Variants in SUMF1 observed in about 807,000 individuals in gnomAD.
SUMF1 encodes the protein sulfatase modifying factor 1, also known as formylglycine-generating enzyme.
SUMF1 carries 48 observed loss-of-function variants against 47.6 expected under a neutral mutation model. That is an observed-to-expected ratio of 1.01 (90% CI 0.80 to 1.28). The LOEUF is 1.28. SUMF1 is among the 50% of genes most tolerant of loss of function. The probability of loss-of-function intolerance (pLI) is 0.00; values close to 1 mark genes in which losing one functional copy is unlikely to be tolerated. For synonymous variants in SUMF1, 230 were observed against 192.1 expected (o/e 1.20, Z -1.63); for missense variants, 571 against 485.4 (o/e 1.18, Z -1.66).
downstream of SUMF1, among the ~76,000 whole-genome samples, chr3:4,360,247 T>C (rs1031304591): frequency 7.2e-6 from 1 of 138,720 alleles, no homozygotes; most frequent in Non-Finnish European, 1.5e-5. Flanking sequence ...CATCAGTAGG[T>C]GGAAGTTTGT....
chr3:4,162,293 G>C (rs756739185), intron 8 of SUMF1, among the ~76,000 whole-genome samples: 3 of 152,170 alleles, frequency 2.0e-5, no homozygotes, highest in Non-Finnish European at 4.4e-5. Context: ...GAGTGGTAAA[G>C]CACTCTCTTG....
chr3:4,117,986 T>C lies in SUMF1; in HGVS notation c.1015-49241A>G, dbSNP rs571429348. Among the ~76,000 whole-genome samples the C allele has an allele frequency of 7.2e-5, 11 of 151,908 alleles. No individual in the cohort carries two copies. In the East Asian group the frequency reaches 1.9e-3, roughly 27 times the overall value. The stretch of plus-strand genomic sequence containing the variant: ...TTTTTTAAACATCCAAAACAAGGCA[T>C]GAATAGGTGTCTTTGAAGCAGGATT... On this transcript the variant is annotated intron_variant and NMD_transcript_variant, in intron 8 of 12. Transcript: ENST00000448413.
chr3:4,179,434 G>T (rs1695043175), intron 8 of SUMF1, among the ~76,000 whole-genome samples: 2 of 152,136 alleles, frequency 1.3e-5, no homozygotes, highest in South Asian at 4.1e-4. Context: ...AAGCAATGGG[G>T]AAAGGATTCC....
intron 9 of SUMF1, among the ~76,000 whole-genome samples, chr3:4,034,613 C>T (rs1295784655): frequency 6.6e-6 from 1 of 151,984 alleles, no homozygotes; most frequent in African/African-American, 2.4e-5. Flanking sequence ...TTTGAGAAAC[C>T]CTTTGTAGAG....
At chr3:4,220,060 T>C (rs184719439) in intron 8 of SUMF1, among the ~76,000 whole-genome samples, 1 of 152,160 alleles carries the variant, frequency 6.6e-6, no homozygotes, top group Admixed American at 6.6e-5. Flanking sequence ...AGAGTAAACA[T>C]GGAAATAGAA....
At chr3:4,123,333 C>A (rs1331327696) in intron 8 of SUMF1, among the ~76,000 whole-genome samples, 2 of 152,092 alleles carry the variant, frequency 1.3e-5, no homozygotes, top group Non-Finnish European at 2.9e-5. Context: ...ATTCCTAACT[C>A]TATACAGAGC....
chr3:4,075,342 C>G lies in SUMF1; in HGVS notation c.1015-6597G>C, dbSNP rs559130939. Among the ~76,000 whole-genome samples, 139 of 152,086 alleles carry G rather than the reference C, an allele frequency of 9.1e-4. 1 individual carries two copies. The highest frequency in any genetic ancestry group is 3.3e-3 in the African/African-American group (137 of 41,436). The stretch of plus-strand genomic sequence containing the variant: ...AACTAGGTATTGATGGAACGTATCT[C>G]AAAATAATAAGTTATTTATGATAAA... On this transcript the variant is annotated intron_variant and NMD_transcript_variant, in intron 8 of 12. Coordinates refer to the SUMF1 transcript ENST00000448413.
At chr3:4,372,135 C>G (rs982990433) in intron 8 of SUMF1, among the ~76,000 whole-genome samples, 4 of 152,080 alleles carry the variant, frequency 2.6e-5, no homozygotes, top group African/African-American at 4.8e-5. Context: ...TGGTGAAACC[C>G]CATCTCTACA....
chr3:4,185,607 T>C (rs1695185610), intron 8 of SUMF1, among the ~76,000 whole-genome samples: 1 of 152,130 alleles, frequency 6.6e-6, no homozygotes, highest in South Asian at 2.1e-4. Context: ...CTGTAGCAGT[T>C]GAAAGTTAAT....
chr3:4,341,110 T>C (rs1241985595), intron 8 of SUMF1, among the ~76,000 whole-genome samples: 1 of 152,144 alleles, frequency 6.6e-6, no homozygotes. Flanking sequence ...TCCTGAACTG[T>C]CTGTATCCCC....
intron 8 of SUMF1, among the ~76,000 whole-genome samples, chr3:4,074,587 C>A (rs768953571): frequency 6.6e-6 from 1 of 151,904 alleles, no homozygotes; most frequent in Non-Finnish European, 1.5e-5. Flanking sequence ...AATAGATAAA[C>A]CACTAGCAAG....
intron 8 of SUMF1, chr3:4,313,049 G>C (rs1698477513): frequency 6.2e-7 from 1 of 1,613,982 alleles, no homozygotes; most frequent in Non-Finnish European, 8.5e-7. Context: ...TCATGCCTTA[G>C]AGATATAGGA....
chr3:4,466,472 TAATAGC>T (rs1474543746), intron 1 of SUMF1, among the ~76,000 whole-genome samples: 1 of 152,044 alleles, frequency 6.6e-6, no homozygotes, highest in Non-Finnish European at 1.5e-5. Flanking sequence ...GACAGATAAA[TAATAGC>T]AATAAAACAA....
At chr3:4,336,444 G>C (rs2125134469) in intron 8 of SUMF1, among the ~76,000 whole-genome samples, 1 of 152,262 alleles carries the variant, frequency 6.6e-6, no homozygotes, top group South Asian at 2.1e-4. Flanking sequence ...AGAGGGAGTA[G>C]AGCAAATGAG....
At chr3:4,381,538 A>G (rs994498265) in intron 7 of SUMF1, among the ~76,000 whole-genome samples, 8 of 152,246 alleles carry the variant, frequency 5.3e-5, no homozygotes, top group African/African-American at 1.9e-4. Context: ...AATCCATAGT[A>G]ATGAAATGCT....
At chr3:4,374,981 G>A (rs962031993) in intron 8 of SUMF1, among the ~76,000 whole-genome samples, 1 of 151,816 alleles carries the variant, frequency 6.6e-6, no homozygotes, top group Admixed American at 6.6e-5. Flanking sequence ...TAGGCAACAT[G>A]GCAAGACCCC....
chr3:4,067,954 A>G (rs1695415576), intron 9 of SUMF1, among the ~76,000 whole-genome samples: 1 of 152,166 alleles, frequency 6.6e-6, no homozygotes, highest in East Asian at 1.9e-4. Flanking sequence ...AAAGAAACTA[A>G]GAGTCCAAAA....
intron 8 of SUMF1, among the ~76,000 whole-genome samples, chr3:4,159,844 G>GT (rs998552937): frequency 1.3e-5 from 2 of 152,088 alleles, no homozygotes; most frequent in African/African-American, 2.4e-5. Flanking sequence ...TAGGGTAAAA[G>GT]TTTTTTTCCC....
intron 8 of SUMF1, among the ~76,000 whole-genome samples, chr3:4,285,770 A>G (rs1268787396): frequency 6.6e-6 from 1 of 152,154 alleles, no homozygotes; most frequent in South Asian, 2.1e-4. Context: ...TTTCAATAAC[A>G]AAGGTTAAAG....
Sources: allele counts gnomAD v4.1 joint callset (sites outside exome capture counted in the v4.1 genomes callset), GRCh38; gene constraint gnomAD v4.1.1; transcripts MANE v1.5; gene names NCBI Gene and HGNC (gene_info 2026-07-23, HGNC 2026-07-21).